Variants in FBN3 observed in about 807,000 individuals in gnomAD.
FBN3 encodes the protein fibrillin 3.
FBN3 carries 234 observed loss-of-function variants against 330.1 expected under a neutral mutation model. That is an observed-to-expected ratio of 0.71 (90% CI 0.64 to 0.79). The LOEUF (loss-of-function observed/expected upper bound fraction) is 0.79. Among genes scored for constraint, FBN3 ranks in the 30% least tolerant of loss-of-function variants. The pLI, the probability that FBN3 is intolerant of heterozygous loss-of-function variation, is 0.00. For synonymous variants in FBN3, 1,458 were observed against 1,517.3 expected, an observed-to-expected ratio of 0.96 and a Z score of 0.91; for missense variants, 3,606 against 3,886.9, an observed-to-expected ratio of 0.93 and a Z score of 1.92.
At chr19:8,114,253 A>G (rs1244026673) in intron 30 of FBN3, among the ~76,000 whole-genome samples, 4 of 152,090 alleles carry the variant, frequency 2.6e-5, no homozygotes, top group Non-Finnish European at 1.5e-5. Flanking sequence ...TAATTAAAAA[A>G]AAGTTTGTTT....
chr19:8,115,027 T>G (rs2144851939), intron 30 of FBN3, among the ~76,000 whole-genome samples: 1 of 152,192 alleles, frequency 6.6e-6, no homozygotes, highest in South Asian at 2.1e-4. Context: ...GGCTAATTTT[T>G]GTATTTTTAG....
At chr19:8,123,680 C>G in intron 23 of FBN3, 91 bp from the exon 24 acceptor site, 1 of 1,594,558 alleles carries the variant, frequency 6.3e-7, no homozygotes, top group South Asian at 1.1e-5. Flanking sequence ...CCTCGCCTTA[C>G]CCACATCCCC....
rs371292367 is a variant in FBN3, at chr19:8,086,182, G to C, written c.6880+18C>G. The C allele has an allele frequency of 4.2e-5, 67 of 1,600,308 alleles. No individual in the cohort carries two copies. The African/African-American group carries it at 8.2e-4, about 20-fold the overall frequency. Reference sequence around the variant, plus strand: ...TGGTAGGTGGTTGCAACCACTGTGCGTGTCCAGCCACACTCACCGTGGCAC... The same window carrying C: ...TGGTAGGTGGTTGCAACCACTGTGCCTGTCCAGCCACACTCACCGTGGCAC... On this transcript the variant is annotated intron_variant, in intron 55 of 63. Coordinates refer to ENST00000600128, the MANE Select transcript of FBN3 (RefSeq NM_032447.5).
In FBN3 at chr19:8,072,718, G is replaced by A. The variant is rs906310639; in HGVS notation, c.7937+345C>T. On this transcript the variant is annotated intron_variant, in intron 62 of 63. Transcript: ENST00000600128. ...TGAGTGCACACTGGGACATGCGCGC[G>A]TGCACACACACACACACACACACAC... 1.6e-4 allele frequency among the ~76,000 whole-genome samples: 15 copies of A among 93,574 alleles called. No individual in the cohort carries two copies. The East Asian group carries it at 1.7e-3, about 10-fold the overall frequency. The allele number at this position is 93,574 out of a possible 152,430, so 61.4% of individuals were successfully genotyped here.
At chr19:8,079,473 A>C (rs2081723033) in intron 59 of FBN3, among the ~76,000 whole-genome samples, 2 of 151,852 alleles carry the variant, frequency 1.3e-5, no homozygotes, top group South Asian at 4.2e-4. Context: ...ACCACCACCA[A>C]ACCTCTCCCT....
chr19:8,104,685 A>G (rs1440186894), intron 38 of FBN3, among the ~76,000 whole-genome samples: 1 of 152,138 alleles, frequency 6.6e-6, no homozygotes, highest in Non-Finnish European at 1.5e-5. Context: ...ACTCTAGTCC[A>G]GGGGTAGTAA....
intron 16 of FBN3, among the ~76,000 whole-genome samples, chr19:8,130,323 C>A: frequency 7.0e-6 from 1 of 142,712 alleles, no homozygotes. Flanking sequence ...GGCAACATGG[C>A]AAAATCTCAT....
chr19:8,136,989 G>A (rs34100431), intron 10 of FBN3, among the ~76,000 whole-genome samples: 42,987 of 132,122 alleles, frequency 0.33, 8,712 homozygotes, highest in Non-Finnish European at 0.44. Context: ...CTCCAACCTG[G>A]GGCCTGGATC....
intron 63 of FBN3, among the ~76,000 whole-genome samples, chr19:8,068,151 C>A (rs948664544): frequency 1.3e-5 from 2 of 151,908 alleles, no homozygotes; most frequent in African/African-American, 2.4e-5. Context: ...CTTTGGGAGG[C>A]TCAGGCAGGT....
At chr19:8,092,263 GTC>G (rs2082113456) in intron 47 of FBN3, among the ~76,000 whole-genome samples, 2 of 151,834 alleles carry the variant, frequency 1.3e-5, no homozygotes, top group Non-Finnish European at 2.9e-5. Flanking sequence ...AGGAAAGTAA[GTC>G]ATTATATGAA....
chr19:8,123,928 C>A lies in FBN3; in HGVS notation c.2812G>T (p.Val938Phe), dbSNP rs35840170. 1.2e-6 allele frequency: 2 copies of A among 1,614,036 alleles called. No homozygotes were observed. The highest frequency in any genetic ancestry group is 1.7e-6 in the Non-Finnish European group (2 of 1,180,018). Reference sequence around the variant, plus strand: ...ACGGCCCCGATGGAGCAGCAGCAGACGTCCATCCGGTACTTGCCAGGCAGG... The same window carrying A: ...ACGGCCCCGATGGAGCAGCAGCAGAAGTCCATCCGGTACTTGCCAGGCAGG... ...VTLPGKYRMD[V>F]CCCSIGAVWG... The change falls in exon 23 of 64, where the codon GTC becomes TTC. Residue 938 changes from valine to phenylalanine, a missense_variant. Coordinates refer to ENST00000600128, the MANE Select transcript of FBN3 (RefSeq NM_032447.5).
intron 38 of FBN3, among the ~76,000 whole-genome samples, chr19:8,104,156 A>G (rs1305933902): frequency 9.2e-6 from 1 of 108,690 alleles, no homozygotes; most frequent in Non-Finnish European, 1.8e-5. Flanking sequence ...AAACAATATG[A>G]CATTAAGTGA....
chr19:8,116,791 C>T lies in FBN3; in HGVS notation c.3595G>A (p.Glu1199Lys), dbSNP rs1599380109. 3 of 1,613,920 alleles carry T rather than the reference C, an allele frequency of 1.9e-6. No homozygotes were observed. The highest frequency in any genetic ancestry group is 2.2e-5 in the East Asian group (1 of 44,878). ...CAAACGCGGGGGTTCTCTTCACACT[C>T]GTCCACGTCTGGGGGAGCAGGGTTG... ...PDGRACADVD[E>K]CEENPRVCDQ... The change falls in exon 29 of 64, where the codon GAG (glutamate) becomes AAG (lysine). Residue 1199 changes from glutamate (E) to lysine (K), a missense_variant. By Grantham distance (56) the Glu-to-Lys change is moderately conservative (BLOSUM62 1). Coordinates refer to ENST00000600128, the MANE Select transcript of FBN3 (RefSeq NM_032447.5).
At chr19:8,093,118 GCTAA>G (rs1248532200) in intron 47 of FBN3, among the ~76,000 whole-genome samples, 1 of 151,870 alleles carries the variant, frequency 6.6e-6, no homozygotes, top group African/African-American at 2.4e-5. Flanking sequence ...ATTGCACAAA[GCTAA>G]CTGAGACTGG....
chr19:8,073,803 C>T (rs1349587128), intron 61 of FBN3, among the ~76,000 whole-genome samples: 5 of 152,184 alleles, frequency 3.3e-5, no homozygotes, highest in African/African-American at 1.2e-4. Context: ...CCTCAGCCTC[C>T]TGAGTAGCTG....
intron 41 of FBN3, among the ~76,000 whole-genome samples, chr19:8,099,215 G>GA (rs1163666586): frequency 6.7e-6 from 1 of 149,028 alleles, no homozygotes; most frequent in East Asian, 2.0e-4. Context: ...CAGAGAGGGA[G>GA]AAAAGAGACA....
At chr19:8,137,144 T>C (rs200848593) in intron 10 of FBN3, among the ~76,000 whole-genome samples, 3 of 75,648 alleles carry the variant, frequency 4.0e-5, no homozygotes, top group African/African-American at 5.3e-5. Flanking sequence ...TCCAACCTGG[T>C]GCCTAGATCC....
intron 14 of FBN3, among the ~76,000 whole-genome samples, 166 bp downstream of exon 14, chr19:8,132,818 C>T (rs918752185): frequency 3.3e-5 from 5 of 152,036 alleles, no homozygotes; most frequent in South Asian, 2.1e-4. Context: ...TCTTCTTCTT[C>T]GCTTCTCCCC....
rs2144653511 is a variant in FBN3 at position 8,085,559 on chromosome 19, C to T, written c.6891G>A (p.Gln2297=). 6.4e-7 allele frequency: 1 copy of T among 1,569,364 alleles called. No individual in the cohort carries two copies. The highest frequency in any genetic ancestry group is 1.9e-5 in the Admixed American group (1 of 52,478). The change falls in exon 56 of 64, where the codon CAG becomes CAA. Residue 2297 remains glutamine, a synonymous_variant. Coordinates refer to ENST00000600128, the MANE Select transcript of FBN3 (RefSeq NM_032447.5). ...PTLTECHDIR[Q]GPCFAEVLQT... ...GCAGCACCTCGGCAAAGCAGGGCCCCTGCCGGATGTCTGCAGAGAACAATG... is the reference window on the plus strand; with the variant it reads ...GCAGCACCTCGGCAAAGCAGGGCCCTTGCCGGATGTCTGCAGAGAACAATG...
Sources: gnomAD v4.1 joint callset for allele counts (sites outside exome capture counted in the v4.1 genomes callset) on GRCh38, gnomAD v4.1.1 for gene constraint, MANE v1.5 for transcripts, NCBI Gene and HGNC (gene_info 2026-07-23, HGNC 2026-07-21) for gene names.